NKAIN4: variants seen among roughly 807,000 people sequenced by gnomAD.
The protein encoded by NKAIN4 is sodium/potassium-transporting ATPase subunit beta-1-interacting protein 4.
A neutral mutation model predicts 28.8 loss-of-function variants in NKAIN4; 28 were observed. The observed-to-expected ratio is 0.97, with a 90% confidence interval of 0.72 to 1.33. NKAIN4 has a LOEUF of 1.33. NKAIN4 is among the 40% of genes most tolerant of loss of function. NKAIN4 has a pLI of 0.00. For missense variants in NKAIN4, 289 were observed against 277.2 expected (o/e 1.04, Z -0.30); for synonymous variants, 122 against 115.6 (o/e 1.06, Z -0.36).
At chr20:63,247,350 G>T in intron 4 of NKAIN4, 1 of 1,500,478 alleles carries the variant, frequency 6.7e-7, no homozygotes, top group African/African-American at 1.4e-5. Context: ...AAGCGCCTGG[G>T]TTGGCCCCGC....
chr20:63,254,689 A>G, upstream of NKAIN4: 1 of 269,186 alleles, frequency 3.7e-6, no homozygotes, highest in Non-Finnish European at 6.9e-6. Flanking sequence ...CCGTTCTTAA[A>G]GGGGCGATGG....
intron 6 of NKAIN4, among the ~76,000 whole-genome samples, chr20:63,242,176 C>G (rs893821279): frequency 6.6e-6 from 1 of 152,170 alleles, no homozygotes; most frequent in Non-Finnish European, 1.5e-5. Context: ...AGGGCCCCAG[C>G]TCCTGCCACA....
At chr20:63,246,076 C>G (rs145885648) in intron 4 of NKAIN4, among the ~76,000 whole-genome samples, 3 of 152,164 alleles carry the variant, frequency 2.0e-5, no homozygotes, top group South Asian at 4.2e-4. Context: ...TACAGGCGCC[C>G]GCCACCACGC....
At position 63,241,487 on chromosome 20, in the gene NKAIN4, G is replaced by C; in HGVS notation, c.*10C>G. On this transcript the variant is annotated 3_prime_UTR_variant, in exon 7 of 7. Coordinates refer to ENST00000370316, the MANE Select transcript of NKAIN4 (RefSeq NM_152864.4). ...GGAGGCCACAGGAGCAGGATCAGCT[G>C]TTTCCTCACTTACGCAGGCCTGTGG... is the stretch of plus-strand genomic sequence containing the variant. 6.4e-7 allele frequency: 1 copy of C among 1,550,556 alleles called. No homozygotes were observed. The highest frequency in any genetic ancestry group is 8.7e-7 in the Non-Finnish European group (1 of 1,146,982).
At position 63,247,597 on chromosome 20, in the gene NKAIN4, C is replaced by T. The variant is rs1248318710; in HGVS notation, c.452G>A (p.Cys151Tyr). 4.5e-6 allele frequency: 7 copies of T among 1,547,498 alleles called. No individual in the cohort carries two copies. In the Admixed American group the frequency reaches 1.2e-4, roughly 26 times the overall value. The change falls in exon 4 of 7, where the codon TGC (cysteine) becomes TAC (tyrosine). Residue 151 changes from cysteine to tyrosine, a missense_variant. Coordinates refer to ENST00000370316, the MANE Select transcript of NKAIN4 (RefSeq NM_152864.4). The stretch of plus-strand genomic sequence containing the variant: ...GCTCACCGCGATCAGGATCTGCAGG[C>T]AACTGTGTAGGGCCTCCACATAGCT... Reference protein sequence around the residue: ...EPSYVEALHSCLQILIALLGF... With the variant: ...EPSYVEALHSYLQILIALLGF...
At chr20:63,253,580 C>T in intron 1 of NKAIN4, 10 of 908,660 alleles carry the variant, frequency 1.1e-5, no homozygotes, top group Non-Finnish European at 1.3e-5. Flanking sequence ...GACCCAGGGC[C>T]AATTAGCATC....
rs1315470952 is a variant in NKAIN4, at chr20:63,242,528, G to A, written c.617+11C>T. On this transcript the variant is annotated intron_variant, in intron 6 of 6. Coordinates refer to ENST00000370316, the MANE Select transcript of NKAIN4 (RefSeq NM_152864.4). ...GCTGGCCGCAGAGCAGGTTCTGCCA[G>A]CCATACTTACAAGTACACCTGCTTG... 6 of 1,601,138 alleles carry A rather than the reference G, an allele frequency of 3.7e-6. No individual in the cohort carries two copies. Among genetic ancestry groups the A allele is most frequent in the Non-Finnish European group, 5.1e-6 (6 of 1,168,642 alleles).
chr20:63,246,218 G>C (rs370126540), intron 4 of NKAIN4, among the ~76,000 whole-genome samples: 2 of 152,178 alleles, frequency 1.3e-5, no homozygotes, highest in African/African-American at 2.4e-5. Context: ...GTGAGCCACC[G>C]CACCCAGCCT....
intron 4 of NKAIN4, among the ~76,000 whole-genome samples, chr20:63,246,276 G>C (rs1891496805): frequency 6.6e-6 from 1 of 151,936 alleles, no homozygotes. Context: ...CAGGAGCTTT[G>C]ATGTGCACAC....
Position 63,252,289 on chromosome 20 carries a change from C to T in NKAIN4, c.54+2108G>A, listed in dbSNP as rs1391678925. Among the ~76,000 whole-genome samples the T allele has an allele frequency of 6.6e-6, 1 of 152,098 alleles. No individual in the cohort carries two copies. Among genetic ancestry groups the T allele is most frequent in the Non-Finnish European group, 1.5e-5 (1 of 67,986 alleles). On this transcript the variant is annotated intron_variant, in intron 1 of 6. Coordinates refer to ENST00000370316, the MANE Select transcript of NKAIN4 (RefSeq NM_152864.4). The surrounding 1 kb of genome is among the most constrained non-coding windows in gnomAD (Gnocchi z 4.6). ...CCCAGCCCCAAACCCCTTCCTGGGC[C>T]TTTGGCTCCCAGGGTCTCCTCAATG...
rs1229449186 is a variant in NKAIN4, at chr20:63,252,871, G to A, written c.54+1526C>T. Among the ~76,000 whole-genome samples the A allele has an allele frequency of 1.3e-5, 2 of 152,022 alleles. No homozygotes were observed. The highest frequency in any genetic ancestry group is 2.1e-4 in the South Asian group (1 of 4,800). ...CCCTCTGCACCCTGAGGTCACATCC[G>A]ACCAGCACAGTCGTGCCTCACCCTG... is the stretch of plus-strand genomic sequence containing the variant. On this transcript the variant is annotated intron_variant, in intron 1 of 6. Transcript: ENST00000370316. The surrounding 1 kb of genome is among the most constrained non-coding windows in gnomAD (Gnocchi z 4.6).
In NKAIN4 at chr20:63,246,813, T is replaced by A. The variant is rs2066866499; in HGVS notation, c.471+765A>T. 5.1e-6 allele frequency: 5 copies of A among 985,456 alleles called. No homozygotes were observed. In the South Asian group the frequency reaches 1.9e-4, roughly 37 times the overall value. 61.0% of individuals were successfully genotyped at this position (985,456 alleles called of 1,614,324 possible). ...ACCCGCCTCAGCTTTTGCCTCTTTC[T>A]GAGCACTTCGAGGAAGGCACTGACA... On this transcript the variant is annotated intron_variant, in intron 4 of 6. Coordinates refer to ENST00000370316, the MANE Select transcript of NKAIN4 (RefSeq NM_152864.4).
At position 63,241,264 on chromosome 20, in the gene NKAIN4, CTTTTT is replaced by C. The variant is rs530047912; in HGVS notation, c.*228_*232del. 4 of 407,552 alleles carry C rather than the reference CTTTTT, an allele frequency of 9.8e-6. No individual in the cohort carries two copies. The highest frequency in any genetic ancestry group is 8.6e-5 in the African/African-American group (4 of 46,420). 25.2% of individuals were successfully genotyped at this position (407,552 alleles called of 1,614,324 possible). A position where few individuals can be genotyped will look rare whatever the true frequency, so the allele number is the denominator to read the frequency against. ...CCTTTTCTTTTGTATGTTTTCTTTT[CTTTTT>C]TTTTTTTAAGAGAAAGGAAATTACA... On this transcript the variant is annotated 3_prime_UTR_variant, in exon 7 of 7. Coordinates refer to ENST00000370316, the MANE Select transcript of NKAIN4 (RefSeq NM_152864.4).
intron 5 of NKAIN4, 26 bp downstream of exon 5, chr20:63,243,998 A>G (rs756674953): frequency 5.6e-6 from 9 of 1,601,488 alleles, no homozygotes; most frequent in East Asian, 2.2e-5. Context: ...CTCCCGCCCC[A>G]CTGCCTGCAG....
rs201902703 is a variant in NKAIN4 at position 63,247,580 on chromosome 20, C to A, written c.469G>T (p.Ala157Ser). The change falls in exon 4 of 7, where the codon GCG (alanine) becomes TCG (serine). Residue 157 changes from alanine to serine, a missense_variant and splice_region_variant. Physicochemically the swap from Ala to Ser is moderately conservative, Grantham distance 99. Coordinates refer to ENST00000370316, the MANE Select transcript of NKAIN4 (RefSeq NM_152864.4). ...ALHSCLQILI[A>S]LLGFVCGCQV... ...GGGGCCCCCTTCCCCACGCTCACCGCGATCAGGATCTGCAGGCAACTGTGT... is the reference window on the plus strand; with the variant it reads ...GGGGCCCCCTTCCCCACGCTCACCGAGATCAGGATCTGCAGGCAACTGTGT... The A allele has an allele frequency of 4.6e-5, 71 of 1,546,364 alleles. No homozygotes were observed. Among genetic ancestry groups the A allele is most frequent in the Non-Finnish European group, 6.0e-5 (69 of 1,144,608 alleles).
chr20:63,246,987 C>T (rs912063431), intron 4 of NKAIN4: 7 of 996,316 alleles, frequency 7.0e-6, no homozygotes, highest in Non-Finnish European at 8.4e-6. Context: ...CCGGAGAGGA[C>T]GGCAGAGTCC....
In NKAIN4 at chr20:63,254,331, A is replaced by G. The variant is rs537029699; in HGVS notation, c.54+66T>C. ...CCCCGGGGCGGAGGGACGCTTCGGG[A>G]CCCCACAGCCGCCGTGGGTCGGGCA... On this transcript the variant is annotated intron_variant, in intron 1 of 6. Coordinates refer to ENST00000370316, the MANE Select transcript of NKAIN4 (RefSeq NM_152864.4). 9.8e-4 allele frequency: 1,256 copies of G among 1,276,116 alleles called. 12 individuals carry two copies. In the African/African-American group the frequency reaches 0.018, roughly 18 times the overall value. 79.0% of individuals were successfully genotyped at this position (1,276,116 alleles called of 1,614,324 possible).
chr20:63,241,347 T>C lies in NKAIN4; in HGVS notation c.*150A>G. On this transcript the variant is annotated 3_prime_UTR_variant, in exon 7 of 7. Coordinates refer to ENST00000370316, the MANE Select transcript of NKAIN4 (RefSeq NM_152864.4). ...GGCACTGCCCTGCCGCCCTGGCTGG[T>C]GTCCAGTACTTAGAACCCAGGGCAG... 2 of 698,394 alleles carry C rather than the reference T, an allele frequency of 2.9e-6. No homozygotes were observed. Among genetic ancestry groups the C allele is most frequent in the East Asian group, 2.8e-5 (1 of 35,776 alleles). The allele number at this position is 698,394 out of a possible 1,614,324, so 43.3% of individuals were successfully genotyped here. A position where few individuals can be genotyped will look rare whatever the true frequency, so the allele number is the denominator to read the frequency against.
Position 63,245,357 on chromosome 20 carries a change from C to T in NKAIN4, c.472-1273G>A, listed in dbSNP as rs1382721338. Among the ~76,000 whole-genome samples the T allele has an allele frequency of 6.6e-6, 1 of 152,158 alleles. No homozygotes were observed. Among genetic ancestry groups the T allele is most frequent in the Non-Finnish European group, 1.5e-5 (1 of 68,016 alleles). Reference sequence around the variant, plus strand: ...CTCCTCACCCCAAAGGAGCCCAAGACGCCCCCATCCCGGAGCTGGCCGTGG... The same window carrying T: ...CTCCTCACCCCAAAGGAGCCCAAGATGCCCCCATCCCGGAGCTGGCCGTGG... On this transcript the variant is annotated intron_variant, in intron 4 of 6. Transcript: ENST00000370316. This position sits in a 1 kb window ranked among gnomAD's most constrained non-coding sequence, Gnocchi z 4.7.
Sources: allele counts gnomAD v4.1 joint callset (sites outside exome capture counted in the v4.1 genomes callset), GRCh38; gene constraint gnomAD v4.1.1; non-coding constraint Gnocchi (gnomAD v3.1); transcripts MANE v1.5; gene names NCBI Gene and HGNC (gene_info 2026-07-23, HGNC 2026-07-21).